The following ACRBP variants were observed in gnomAD, a reference collection of about 807,000 sequenced individuals.
The protein encoded by ACRBP is acrosin-binding protein.
A neutral mutation model predicts 69.0 loss-of-function variants in ACRBP; 52 were observed. The ratio of observed to expected loss-of-function variants is 0.75; its 90% CI spans 0.60 to 0.95. ACRBP has a LOEUF of 0.95. Ranked by LOEUF, ACRBP falls within the 40% of genes least tolerant of loss-of-function variation. ACRBP has a pLI of 0.00. For synonymous variants in ACRBP, 267 were observed against 258.9 expected, an observed-to-expected ratio of 1.03 and a Z score of -0.30; for missense variants, 604 against 673.0, an observed-to-expected ratio of 0.90 and a Z score of 1.13.
chr12:6,643,393 C>A, intron 6 of ACRBP, 146 bp downstream of exon 6: 1 of 1,140,490 alleles, frequency 8.8e-7, no homozygotes, highest in Non-Finnish European at 1.2e-6. Flanking sequence ...AATGCCCTTC[C>A]TAAGAAAAGA....
chr12:6,646,611 G>C (rs1949091426), intron 2 of ACRBP, 34 bp from the exon 3 acceptor site: 2 of 1,597,908 alleles, frequency 1.3e-6, no homozygotes, highest in African/African-American at 1.3e-5. Flanking sequence ...AGATGAACCC[G>C]TGGGGAGCTT....
Position 6,640,602 on chromosome 12 carries a change from C to T in ACRBP, c.1078-80G>A. 1 of 1,477,476 alleles carries T rather than the reference C, an allele frequency of 6.8e-7. No individual in the cohort carries two copies. The highest frequency in any genetic ancestry group is 2.0e-5 in the Admixed American group (1 of 49,236). 91.5% of individuals were successfully genotyped at this position (1,477,476 alleles called of 1,614,324 possible). ...CCATGCCTCAGCCCTCCAGGGTGGG[C>T]CCTGCAGAATGTCTTTGCATTTAGC... is the stretch of plus-strand genomic sequence containing the variant. On this transcript the variant is annotated intron_variant, in intron 6 of 9. Transcript: ENST00000229243. This position sits in a 1 kb window ranked among gnomAD's most constrained non-coding sequence, Gnocchi z 5.3.
In ACRBP at chr12:6,640,529, C is replaced by A. The variant is rs1481375923; in HGVS notation, c.1078-7G>T. The A allele has an allele frequency of 6.2e-7, 1 of 1,612,272 alleles. No homozygotes were observed. The highest frequency in any genetic ancestry group is 8.5e-7 in the Non-Finnish European group (1 of 1,179,024). On this transcript the variant is annotated splice_polypyrimidine_tract_variant and splice_region_variant and intron_variant, in intron 6 of 9. Coordinates refer to ENST00000229243, the MANE Select transcript of ACRBP (RefSeq NM_032489.3). The surrounding 1 kb of genome is among the most constrained non-coding windows in gnomAD (Gnocchi z 5.3). ...GCCCAAGGCTGTCACAGACCTGGGG[C>A]AGGGGAATGGGTGAGGCTGAAGCTG...
In ACRBP at chr12:6,646,906, C is replaced by G. The variant is rs1434575640; in HGVS notation, c.150G>C (p.Leu50=). 2 of 1,614,018 alleles carry G rather than the reference C, an allele frequency of 1.2e-6. No homozygotes were observed. Among genetic ancestry groups the G allele is most frequent in the African/African-American group, 2.7e-5 (2 of 74,924 alleles). Residue 50 remains leucine (L), a synonymous_variant, in exon 2 of 10, where the codon CTG becomes CTC. Coordinates refer to ENST00000229243, the MANE Select transcript of ACRBP (RefSeq NM_032489.3). ...TAGTCTCTGCCTTCCAGGTTGGAGT[C>G]AGCAGTGCGAAGAAGCGTTCGTATT... ...PTEYERFFAL[L]TPTWKAETTC...
intron 4 of ACRBP, 30 bp downstream of exon 4, chr12:6,645,190 G>A: frequency 3.3e-6 from 5 of 1,526,666 alleles, no homozygotes; most frequent in Non-Finnish European, 4.5e-6. Flanking sequence ...GGAGTAGCTG[G>A]TGGTCTCCCG....
rs756181680 is a variant in ACRBP at position 6,644,432 on chromosome 12, G to GC, written c.648dup (p.Gln217AlafsTer23). ...TCCTCTTCTTGCTCTTCCTGTTTCT[G>GC]CCCCTCTTCCTGCTTGTGTTCTTGT... On this transcript the variant is annotated frameshift_variant, in exon 5 of 10. Transcript: ENST00000229243. LOFTEE classifies it high-confidence loss of function. The GC allele has an allele frequency of 1.2e-5, 20 of 1,613,734 alleles. No homozygotes were observed. Among genetic ancestry groups the GC allele is most frequent in the Admixed American group, 1.7e-5 (1 of 59,972 alleles).
intron 3 of ACRBP, 34 bp from the exon 4 acceptor site, chr12:6,645,371 C>G: frequency 6.5e-7 from 1 of 1,527,922 alleles, no homozygotes. Context: ...GAAAGCCTTT[C>G]CTAAAGGGCA....
rs1172931655 is a variant in ACRBP at position 6,640,356 on chromosome 12, G to C, written c.1244C>G (p.Ser415Cys). 6.2e-7 allele frequency: 1 copy of C among 1,614,030 alleles called. No individual in the cohort carries two copies. Among genetic ancestry groups the C allele is most frequent in the African/African-American group, 1.3e-5 (1 of 74,902 alleles). Residue 415 changes from serine (S) to cysteine (C), a missense_variant, in exon 7 of 10, where the codon TCC (serine) becomes TGC (cysteine). By Grantham distance (112) the Ser-to-Cys change is moderately radical (BLOSUM62 -1). Coordinates refer to ENST00000229243, the MANE Select transcript of ACRBP (RefSeq NM_032489.3). This position sits in a 1 kb window ranked among gnomAD's most constrained non-coding sequence, Gnocchi z 5.3. The stretch of plus-strand genomic sequence containing the variant: ...CGGGCTAGATACCTGGTTGCCGATG[G>C]ACAGGCTCTGGGAGGCAAGCAAGGG... ...VSPLLASQSL[S>C]IGNQVGSPES...
chr12:6,642,975 G>T (rs1949063496), intron 6 of ACRBP, among the ~76,000 whole-genome samples: 1 of 152,134 alleles, frequency 6.6e-6, no homozygotes, highest in African/African-American at 2.4e-5. Flanking sequence ...CTCAAGGCTG[G>T]GCATGGTGGC....
rs768380704 is a variant in ACRBP at position 6,644,201 on chromosome 12, C to A, written c.880G>T (p.Glu294Ter). 3.0e-5 allele frequency: 49 copies of A among 1,613,448 alleles called. No homozygotes were observed. In the South Asian group the frequency reaches 5.1e-4, roughly 17 times the overall value. ...NIQELIRSAQ[E>*]IDEMNEIYDE... ...TATATTTCATTCATTTCATCTATTTCCTGGGCTGATCGAATGAGCTCCTGG... is the reference window on the plus strand; with the variant it reads ...TATATTTCATTCATTTCATCTATTTACTGGGCTGATCGAATGAGCTCCTGG... The change falls in exon 5 of 10, where the codon GAA becomes TAA. Residue 294 changes from glutamate to a stop codon, truncating the protein, a stop_gained. Coordinates refer to ENST00000229243, the MANE Select transcript of ACRBP (RefSeq NM_032489.3). LOFTEE classifies it high-confidence loss of function.
intron 6 of ACRBP, among the ~76,000 whole-genome samples, chr12:6,642,978 A>G (rs1011619036): frequency 6.6e-6 from 1 of 152,130 alleles, no homozygotes; most frequent in Non-Finnish European, 1.5e-5. Flanking sequence ...AAGGCTGGGC[A>G]TGGTGGCTCA....
rs776537743 is a variant in ACRBP, at chr12:6,638,981, C to T, written c.1482G>A (p.Gln494=). Residue 494 remains glutamine, a synonymous_variant, in exon 9 of 10, where the codon CAG becomes CAA. Transcript: ENST00000229243. ...YPNYCSFKSQ[Q]CLMRNRNRKV... ...TCCGATTGCGGTTTCTCATCAGACA[C>T]TGCTGGCTTTTGAAGGAACAGTAGT... 2 of 1,614,200 alleles carry T rather than the reference C, an allele frequency of 1.2e-6. No individual in the cohort carries two copies. Among genetic ancestry groups the T allele is most frequent in the Admixed American group, 1.7e-5 (1 of 60,028 alleles).
chr12:6,646,958 G>C lies in ACRBP; in HGVS notation c.98C>G (p.Thr33Ser). 2 of 1,613,416 alleles carry C rather than the reference G, an allele frequency of 1.2e-6. No individual in the cohort carries two copies. The highest frequency in any genetic ancestry group is 1.7e-6 in the Non-Finnish European group (2 of 1,180,032). The part of the protein sequence containing the change: ...AAAQDSTQAS[T>S]PGSPLSPTEY... ...GGTAGGAGAGAGAGGGCTGCCTGGA[G>C]TGGAGGCCTGAGTCGAATCCTGGGC... Residue 33 changes from threonine (T) to serine (S), a missense_variant, in exon 2 of 10, where the codon ACT becomes AGT. Transcript: ENST00000229243.
chr12:6,643,389 C>T lies in ACRBP; in HGVS notation c.1077+150G>A, dbSNP rs1468642924. The T allele has an allele frequency of 5.5e-6, 6 of 1,092,886 alleles. No homozygotes were observed. In the African/African-American group the frequency reaches 6.3e-5, roughly 11 times the overall value. 67.7% of individuals were successfully genotyped at this position (1,092,886 alleles called of 1,614,324 possible). A position where few individuals can be genotyped will look rare whatever the true frequency, so the allele number is the denominator to read the frequency against. On this transcript the variant is annotated intron_variant, in intron 6 of 9. Coordinates refer to ENST00000229243, the MANE Select transcript of ACRBP (RefSeq NM_032489.3). ...TCCTTTAAAGTGGACTGGTAATGCC[C>T]TTCCTAAGAAAAGAGTCCCACTTGG...
At chr12:6,639,337 G>A (rs773429957) in intron 8 of ACRBP, among the ~76,000 whole-genome samples, 37 of 152,224 alleles carry the variant, frequency 2.4e-4, no homozygotes, top group Non-Finnish European at 5.0e-4. Context: ...CAGAACATGG[G>A]ACAGGGACCC....
chr12:6,647,345 A>G lies in ACRBP; in HGVS notation c.22T>C (p.Phe8Leu). 1 of 1,545,908 alleles carries G rather than the reference A, an allele frequency of 6.5e-7. No individual in the cohort carries two copies. Among genetic ancestry groups the G allele is most frequent in the Non-Finnish European group, 8.7e-7 (1 of 1,145,438 alleles). The change falls in exon 1 of 10, where the codon TTC (phenylalanine) becomes CTC (leucine). Residue 8 changes from phenylalanine (F) to leucine (L), a missense_variant. Physicochemically the swap from Phe to Leu is conservative, Grantham distance 22. Coordinates refer to ENST00000229243, the MANE Select transcript of ACRBP (RefSeq NM_032489.3). MRKPAAG[F>L]LPSLLKVLLL... ...TCACCCTTCAGGAGTGAGGGAAGGAAGCCAGCGGCTGGCTTCCTCATGGCC... is the reference window on the plus strand; with the variant it reads ...TCACCCTTCAGGAGTGAGGGAAGGAGGCCAGCGGCTGGCTTCCTCATGGCC...
In ACRBP at chr12:6,645,368, T is replaced by C. The variant is rs772943133; in HGVS notation, c.358-31A>G. On this transcript the variant is annotated intron_variant, in intron 3 of 9. Coordinates refer to ENST00000229243, the MANE Select transcript of ACRBP (RefSeq NM_032489.3). ...GGAAGAGAAGGAAAATGGGAAAGCC[T>C]TTCCTAAAGGGCAGACTTCTGCTCC... The C allele has an allele frequency of 8.4e-6, 13 of 1,546,280 alleles. No homozygotes were observed. In the African/African-American group the frequency reaches 1.6e-4, roughly 19 times the overall value.
intron 5 of ACRBP, 199 bp downstream of exon 5, chr12:6,643,938 G>A (rs1949070488): frequency 1.8e-6 from 2 of 1,138,880 alleles, no homozygotes; most frequent in Non-Finnish European, 2.4e-6. Flanking sequence ...CCAGGTACAG[G>A]GCTTACATAG....
Position 6,638,285 on chromosome 12 carries a change from T to C in ACRBP, c.1629A>G (p.Gly543=), listed in dbSNP as rs371627956. The C allele has an allele frequency of 3.7e-6, 6 of 1,613,894 alleles. No individual in the cohort carries two copies. In the Middle Eastern group the frequency reaches 8.2e-4, roughly 221 times the overall value. Residue 543 remains glycine, a synonymous_variant, in exon 10 of 10, where the codon GGA becomes GGG. Transcript: ENST00000229243. The part of the protein sequence containing the change: ...EFSTLTLGQF[G] ...TGTGGGCAGAATAGACGCCAGCTCA[T>C]CCGAACTGGCCTAGAGTCAAGGTGC...
Sources: gnomAD v4.1 joint callset for allele counts (sites outside exome capture counted in the v4.1 genomes callset) on GRCh38, gnomAD v4.1.1 for gene constraint, Gnocchi (gnomAD v3.1) non-coding constraint, MANE v1.5 for transcripts, NCBI Gene and HGNC (gene_info 2026-07-23, HGNC 2026-07-21) for gene names.